The following METTL15 variants were observed in gnomAD, a reference collection of about 807,000 sequenced individuals.
METTL15 encodes 12S rRNA N(4)-cytidine methyltransferase METTL15.
METTL15 carries 34 observed loss-of-function variants against 38.3 expected under a neutral mutation model. The ratio of observed to expected loss-of-function variants is 0.89; its 90% CI spans 0.68 to 1.18. The LOEUF is 1.18. Ranked by LOEUF, METTL15 falls within the 50% of genes most tolerant of loss-of-function variation. METTL15 has a pLI of 0.00. For missense variants in METTL15, 438 were observed against 498.4 expected (o/e 0.88, Z 1.15); for synonymous variants, 162 against 170.9 (o/e 0.95, Z 0.41).
At chr11:28,224,220 T>A (rs1853376620) in intron 4 of METTL15, among the ~76,000 whole-genome samples, 1 of 151,308 alleles carries the variant, frequency 6.6e-6, no homozygotes, top group African/African-American at 2.4e-5. Context: ...CCTGTTTGAA[T>A]TTTTTTTTGG....
At position 28,477,318 on chromosome 11, in the gene METTL15, A is replaced by T. The variant is rs766807375; in HGVS notation, c.*425-49160A>T. Among the ~76,000 whole-genome samples, 34 of 152,056 alleles carry T rather than the reference A, an allele frequency of 2.2e-4. 1 individual carries two copies. The highest frequency in any genetic ancestry group is 1.9e-3 in the Admixed American group (29 of 15,256). ...CAGCCTCCCAAGTAGCTGGGACTAC[A>T]GGTGTGCACCACCATGCCTGGCTAA... is the stretch of plus-strand genomic sequence containing the variant. On this transcript the variant is annotated intron_variant and NMD_transcript_variant, in intron 6 of 7. Transcript: ENST00000532947.
chr11:28,523,660 T>TA (rs1376092168), intron 6 of METTL15, among the ~76,000 whole-genome samples: 1 of 152,204 alleles, frequency 6.6e-6, no homozygotes, highest in African/African-American at 2.4e-5. Context: ...ACTATCTACA[T>TA]ATAACAAACA....
chr11:28,113,289 A>C (rs763291869), intron 2 of METTL15, 29 bp from the exon 3 acceptor site: 2 of 1,428,406 alleles, frequency 1.4e-6, no homozygotes, highest in African/African-American at 1.4e-5. Flanking sequence ...AAAAAAATCC[A>C]ACAATCATAT....
At chr11:28,130,964 C>T (rs1268494280) in intron 3 of METTL15, among the ~76,000 whole-genome samples, 1 of 152,166 alleles carries the variant, frequency 6.6e-6, no homozygotes. Context: ...CACTGTAAGT[C>T]ATGGAGACCT....
intron 3 of METTL15, chr11:28,145,728 T>A (rs1416748197): frequency 6.6e-6 from 1 of 152,136 alleles, no homozygotes; most frequent in Non-Finnish European, 1.5e-5. Flanking sequence ...TGTGATTTAA[T>A]AAACTGAGTT....
At chr11:28,460,852 G>A (rs11603115) in intron 6 of METTL15, among the ~76,000 whole-genome samples, 61,469 of 151,826 alleles carry the variant, frequency 0.4, 14,251 homozygotes, top group Admixed American at 0.52. Flanking sequence ...AAAGTAGGAG[G>A]ATCCTCTAAA....
At chr11:28,108,928 A>C (rs12360577) in intron 1 of METTL15, among the ~76,000 whole-genome samples, 70,653 of 152,066 alleles carry the variant, frequency 0.46, 17,956 homozygotes, top group Admixed American at 0.56. Flanking sequence ...TTGCTAAAAT[A>C]ACTTTATTTG....
intron 3 of METTL15, among the ~76,000 whole-genome samples, chr11:28,154,020 C>G (rs1025998409): frequency 6.6e-6 from 1 of 152,074 alleles, no homozygotes; most frequent in African/African-American, 2.4e-5. Flanking sequence ...AATAATGGAG[C>G]TGTTTGAATT....
At chr11:28,465,482 C>G (rs1232510036) in intron 6 of METTL15, among the ~76,000 whole-genome samples, 2 of 152,158 alleles carry the variant, frequency 1.3e-5, no homozygotes, top group East Asian at 3.9e-4. Context: ...TATAAACTAA[C>G]TGCTTCTGAG....
chr11:28,362,999 T>C (rs1850153388), intron 5 of METTL15, among the ~76,000 whole-genome samples: 1 of 152,206 alleles, frequency 6.6e-6, no homozygotes, highest in Non-Finnish European at 1.5e-5. Context: ...TCCCTTTTCT[T>C]TGCAGCTTTA....
At chr11:28,336,911 C>T (rs1270796112), downstream of METTL15, among the ~76,000 whole-genome samples, 3 of 152,018 alleles carry the variant, frequency 2.0e-5, no homozygotes, top group Non-Finnish European at 4.4e-5. Flanking sequence ...CAGAAGAAGG[C>T]ATTGTTACCA....
At chr11:28,215,813 T>G (rs1022855977) in intron 4 of METTL15, among the ~76,000 whole-genome samples, 106 of 152,234 alleles carry the variant, frequency 7.0e-4, no homozygotes, top group African/African-American at 2.4e-3. Context: ...CAGGAGGATC[T>G]CTTGAGCTCA....
intron 5 of METTL15, among the ~76,000 whole-genome samples, chr11:28,376,360 G>A (rs1850311773): frequency 6.6e-6 from 1 of 152,026 alleles, no homozygotes. Context: ...TGTATTGGGT[G>A]CATATATATT....
intron 3 of METTL15, among the ~76,000 whole-genome samples, chr11:28,157,226 C>A (rs903052630): frequency 6.6e-6 from 1 of 152,178 alleles, no homozygotes; most frequent in Admixed American, 6.5e-5. Flanking sequence ...ATTTTGGAGG[C>A]AACACATTCC....
intron 6 of METTL15, among the ~76,000 whole-genome samples, chr11:28,471,690 C>T (rs1851304460): frequency 6.6e-6 from 1 of 151,932 alleles, no homozygotes; most frequent in South Asian, 2.1e-4. Context: ...ATGCAAGCTT[C>T]TCTGAGGGTG....
intron 5 of METTL15, among the ~76,000 whole-genome samples, chr11:28,375,398 AGTGTAT>A (rs949036775): frequency 1.3e-5 from 2 of 151,548 alleles, no homozygotes; most frequent in East Asian, 3.9e-4. Context: ...GTCTTGGGAT[AGTGTAT>A]GTGTCGAGGA....
At chr11:28,507,008 G>C (rs11030357) in intron 6 of METTL15, among the ~76,000 whole-genome samples, 60,411 of 151,980 alleles carry the variant, frequency 0.4, 13,726 homozygotes, top group Admixed American at 0.52. Context: ...GCCTCCCAAA[G>C]TGCTGGAATT....
Position 28,277,504 on chromosome 11 carries a change from C to T in METTL15, c.408-12702C>T, listed in dbSNP as rs566494514. Among the ~76,000 whole-genome samples, 8 of 152,178 alleles carry T rather than the reference C, an allele frequency of 5.3e-5. No individual in the cohort carries two copies. In the East Asian group the frequency reaches 1.6e-3, roughly 30 times the overall value. ...CCTGAGGTCAGGATTTCGAGACCAG[C>T]CTGGCCAACACTGTGAAACCCCGTC... On this transcript the variant is annotated intron_variant, in intron 4 of 6. Coordinates refer to ENST00000407364, the MANE Select transcript of METTL15 (RefSeq NM_001113528.2).
intron 5 of METTL15, among the ~76,000 whole-genome samples, chr11:28,364,725 G>A (rs1290959496): frequency 6.6e-6 from 1 of 152,154 alleles, no homozygotes; most frequent in Non-Finnish European, 1.5e-5. Context: ...TTGAATAGGA[G>A]TGTTATGTAA....
Sources: allele counts gnomAD v4.1 joint callset (sites outside exome capture counted in the v4.1 genomes callset), GRCh38; gene constraint gnomAD v4.1.1; transcripts MANE v1.5; gene names NCBI Gene and HGNC (gene_info 2026-07-23, HGNC 2026-07-21).